CRTAC1: variants seen among roughly 807,000 people sequenced by gnomAD.
The protein encoded by CRTAC1 is cartilage acidic protein 1, also known as acidic secreted protein in cartilage.
CRTAC1 carries 37 observed loss-of-function variants against 67.8 expected under a neutral mutation model. That is an observed-to-expected ratio of 0.55 (90% confidence interval 0.42 to 0.72). The LOEUF is 0.72. Ranked by LOEUF, CRTAC1 falls within the 30% of genes least tolerant of loss-of-function variation. The probability of loss-of-function intolerance (pLI) is 0.00; values close to 1 mark genes in which losing one functional copy is unlikely to be tolerated. For synonymous variants in CRTAC1, 348 were observed against 371.0 expected (o/e 0.94, Z 0.71); for missense variants, 780 against 931.6 (o/e 0.84, Z 2.12).
At chr10:98,025,129 G>A (rs779299044) in intron 1 of CRTAC1, among the ~76,000 whole-genome samples, 5 of 152,054 alleles carry the variant, frequency 3.3e-5, no homozygotes, top group Non-Finnish European at 7.4e-5. Context: ...GCCCTCGGCT[G>A]TGAAATGGGA....
chr10:98,004,741 CATATTATGCAGTGAAA>C (rs1842751738), intron 2 of CRTAC1, among the ~76,000 whole-genome samples: 1 of 151,964 alleles, frequency 6.6e-6, no homozygotes, highest in South Asian at 2.1e-4. Flanking sequence ...TATGTTTGAA[CATATTATGCAGTGAAA>C]AAAAGCAAGT....
intron 2 of CRTAC1, among the ~76,000 whole-genome samples, chr10:97,996,873 G>A (rs1398057085): frequency 6.6e-6 from 1 of 151,996 alleles, no homozygotes; most frequent in Non-Finnish European, 1.5e-5. Context: ...AGAAAATATG[G>A]CACATATACA....
intron 5 of CRTAC1, among the ~76,000 whole-genome samples, chr10:97,916,227 A>G (rs988650607): frequency 1.3e-5 from 2 of 151,754 alleles, no homozygotes; most frequent in African/African-American, 2.4e-5. Flanking sequence ...AGAACTGGCA[A>G]CTATGCAGAA....
In CRTAC1 at chr10:97,942,784, AG is replaced by A. The variant is rs780296575; in HGVS notation, c.225-6419del. On this transcript the variant is annotated intron_variant, in intron 2 of 14. Coordinates refer to ENST00000370597, the MANE Select transcript of CRTAC1 (RefSeq NM_018058.7). The stretch of plus-strand genomic sequence containing the variant: ...TCCATTAAAAAGTGAAAAAAAAAAA[AG>A]GCTGGGTATGGTAGCTCATGCCTGT... Among the ~76,000 whole-genome samples, 197 of 152,014 alleles carry A rather than the reference AG, an allele frequency of 1.3e-3. No homozygotes were observed. The Middle Eastern group carries it at 0.02, about 16-fold the overall frequency.
At chr10:97,874,087 G>C (rs953856722) in intron 14 of CRTAC1, among the ~76,000 whole-genome samples, 3 of 152,234 alleles carry the variant, frequency 2.0e-5, no homozygotes, top group Non-Finnish European at 4.4e-5. Context: ...AGGGTGCTGG[G>C]AGCAGCCTGG....
chr10:97,919,076 G>C (rs1235737169), intron 4 of CRTAC1, among the ~76,000 whole-genome samples: 1 of 152,046 alleles, frequency 6.6e-6, no homozygotes. Flanking sequence ...TTACAGGTGT[G>C]AGCCACCGTG....
Position 97,978,348 on chromosome 10 carries a change from C to T in CRTAC1, c.224+32790G>A, listed in dbSNP as rs574683615. 1.3e-3 allele frequency among the ~76,000 whole-genome samples: 192 copies of T among 152,306 alleles called. 1 individual carries two copies. Among genetic ancestry groups the T allele is most frequent in the African/African-American group, 4.3e-3 (178 of 41,582 alleles). On this transcript the variant is annotated intron_variant, in intron 2 of 14. Transcript: ENST00000370597. ...TTTACCAGCTCTGTCACCTTGGTAGCGTTCCTTTACCCCCTCTCCACCTCA... is the reference window on the plus strand; with the variant it reads ...TTTACCAGCTCTGTCACCTTGGTAGTGTTCCTTTACCCCCTCTCCACCTCA...
intron 2 of CRTAC1, among the ~76,000 whole-genome samples, chr10:97,953,316 A>G (rs553533534): frequency 6.6e-6 from 1 of 152,266 alleles, no homozygotes; most frequent in South Asian, 2.1e-4. Flanking sequence ...AGAGAGTGAC[A>G]TGCACCATAA....
chr10:98,014,533 G>C (rs1842960981), intron 1 of CRTAC1, among the ~76,000 whole-genome samples: 1 of 152,160 alleles, frequency 6.6e-6, no homozygotes, highest in Non-Finnish European at 1.5e-5. Context: ...AGGACTCACA[G>C]AATGGGAGAA....
At chr10:97,966,492 C>T (rs1256957260) in intron 2 of CRTAC1, among the ~76,000 whole-genome samples, 1 of 152,148 alleles carries the variant, frequency 6.6e-6, no homozygotes, top group Non-Finnish European at 1.5e-5. Context: ...TAGTGAGTTC[C>T]CACACATGCC....
At chr10:97,999,200 G>A (rs1195449701) in intron 2 of CRTAC1, among the ~76,000 whole-genome samples, 1 of 152,186 alleles carries the variant, frequency 6.6e-6, no homozygotes, top group Non-Finnish European at 1.5e-5. Flanking sequence ...CCACGCAGGG[G>A]AGAAGGCATG....
At chr10:98,016,203 A>T (rs1377519702) in intron 1 of CRTAC1, among the ~76,000 whole-genome samples, 1 of 152,208 alleles carries the variant, frequency 6.6e-6, no homozygotes, top group Non-Finnish European at 1.5e-5. Flanking sequence ...ATCAAAGGGC[A>T]GAGTCTAGGA....
At chr10:97,894,042 G>C (rs2136554668) in intron 11 of CRTAC1, among the ~76,000 whole-genome samples, 1 of 152,286 alleles carries the variant, frequency 6.6e-6, no homozygotes, top group Middle Eastern at 3.4e-3. Context: ...TAAGTATAAA[G>C]ATACTATGAA....
At chr10:98,025,216 G>C (rs546530459) in intron 1 of CRTAC1, among the ~76,000 whole-genome samples, 1 of 152,166 alleles carries the variant, frequency 6.6e-6, no homozygotes, top group East Asian at 1.9e-4. Flanking sequence ...CTCCAGTCCC[G>C]GGTTTCTCAA....
At chr10:97,955,571 C>T (rs2051426834) in intron 2 of CRTAC1, among the ~76,000 whole-genome samples, 1 of 152,198 alleles carries the variant, frequency 6.6e-6, no homozygotes, top group South Asian at 2.1e-4. Flanking sequence ...CTGAGTATCT[C>T]ATTCCCATTT....
intron 6 of CRTAC1, 71 bp from the exon 7 acceptor site, chr10:97,904,885 G>C (rs2050589957): frequency 1.4e-6 from 2 of 1,463,170 alleles, no homozygotes; most frequent in African/African-American, 1.5e-5. Flanking sequence ...CCCTGCTCTA[G>C]CTCTGTGACA....
rs145195319 is a variant in CRTAC1 at position 97,992,390 on chromosome 10, C to T, written c.224+18748G>A. 4.3e-4 allele frequency among the ~76,000 whole-genome samples: 65 copies of T among 152,204 alleles called. 1 individual carries two copies. The East Asian group carries it at 0.011, about 26-fold the overall frequency. On this transcript the variant is annotated intron_variant, in intron 2 of 14. Coordinates refer to ENST00000370597, the MANE Select transcript of CRTAC1 (RefSeq NM_018058.7). ...AATTATGGAAAACCGTATGGAAGTT[C>T]CTCAAAAACTTAAAAATAGAACTAC...
At chr10:98,020,980 G>A (rs1440264105) in intron 1 of CRTAC1, among the ~76,000 whole-genome samples, 1 of 152,070 alleles carries the variant, frequency 6.6e-6, no homozygotes, top group Non-Finnish European at 1.5e-5. Context: ...TGTGGCCCAA[G>A]TGAGCAAGAA....
At chr10:97,881,622 G>A (rs1564875347) in intron 13 of CRTAC1, among the ~76,000 whole-genome samples, 1 of 152,100 alleles carries the variant, frequency 6.6e-6, no homozygotes, top group African/African-American at 2.4e-5. Flanking sequence ...AAAGGAAGAG[G>A]AGGCTGATCT....
Sources: gnomAD v4.1 joint callset for allele counts (sites outside exome capture counted in the v4.1 genomes callset) on GRCh38, gnomAD v4.1.1 for gene constraint, MANE v1.5 for transcripts, NCBI Gene and HGNC (gene_info 2026-07-23, HGNC 2026-07-21) for gene names.